CTNNA2: variants seen among roughly 807,000 people sequenced by gnomAD.
CTNNA2 encodes the protein catenin alpha 2, also known as catenin alpha-2.
In CTNNA2, 42 loss-of-function variants were observed where a neutral mutation model predicts 101.0. The observed-to-expected ratio is 0.42, with a 90% CI of 0.32 to 0.54. The LOEUF (loss-of-function observed/expected upper bound fraction) is 0.54. CTNNA2 is among the 20% of genes least tolerant of loss of function. The pLI, the probability that CTNNA2 is intolerant of heterozygous loss-of-function variation, is 0.14. For synonymous variants in CTNNA2, 450 were observed against 456.4 expected (o/e 0.99, Z 0.18); for missense variants, 871 against 1,223.1 (o/e 0.71, Z 4.29).
chr2:80,179,880 T>A (rs976437648), intron 7 of CTNNA2, among the ~76,000 whole-genome samples: 3 of 152,230 alleles, frequency 2.0e-5, no homozygotes, highest in Non-Finnish European at 4.4e-5. Flanking sequence ...TAAGTATGTC[T>A]ATGCCAATTA....
chr2:79,661,546 C>G (rs1682036864), intron 2 of CTNNA2, among the ~76,000 whole-genome samples: 1 of 152,196 alleles, frequency 6.6e-6, no homozygotes, highest in South Asian at 2.1e-4. Context: ...GTTCACCAAT[C>G]CTGGTTTCTC....
At chr2:80,584,594 A>G (rs935000275) in intron 14 of CTNNA2, among the ~76,000 whole-genome samples, 2 of 152,020 alleles carry the variant, frequency 1.3e-5, no homozygotes, top group African/African-American at 2.4e-5. Context: ...GACAATTGCT[A>G]GGCACTTAAC....
rs531559828 is a variant in CTNNA2, at chr2:79,217,389, G to A, written c.-406+19313G>A. Among the ~76,000 whole-genome samples, 21 of 152,264 alleles carry A rather than the reference G, an allele frequency of 1.4e-4. No homozygotes were observed. In the South Asian group the frequency reaches 3.5e-3, roughly 26 times the overall value. On this transcript the variant is annotated intron_variant, in intron 2 of 21. Coordinates refer to the CTNNA2 transcript ENST00000466387. ...TGTTTATTTCACCTGGGTGCAGGGG[G>A]GCTGAGTCTGAAAAGAGAGTCAGTG... is the stretch of plus-strand genomic sequence containing the variant.
chr2:80,458,605 A>G (rs1223979793), intron 9 of CTNNA2, among the ~76,000 whole-genome samples: 2 of 152,066 alleles, frequency 1.3e-5, no homozygotes, highest in Non-Finnish European at 2.9e-5. Context: ...AATCCTTTCC[A>G]CTGTTATTTG....
chr2:79,337,877 C>T (rs1014694796), intron 3 of CTNNA2, among the ~76,000 whole-genome samples: 3 of 151,846 alleles, frequency 2.0e-5, no homozygotes, highest in African/African-American at 4.8e-5. Flanking sequence ...ATATTTTCTT[C>T]GTGGGGTTCT....
intron 8 of CTNNA2, among the ~76,000 whole-genome samples, chr2:80,406,396 G>C (rs1377747599): frequency 6.6e-6 from 1 of 151,934 alleles, no homozygotes; most frequent in Non-Finnish European, 1.5e-5. Context: ...GGGAGCGGGA[G>C]GTTGCTGAGT....
At chr2:80,362,457 A>T (rs1268425173) in intron 7 of CTNNA2, among the ~76,000 whole-genome samples, 1 of 152,064 alleles carries the variant, frequency 6.6e-6, no homozygotes, top group East Asian at 1.9e-4. Context: ...ATCTTCTTGA[A>T]TCTTTTTTCT....
rs1465253664 is a variant in CTNNA2 at position 79,694,521 on chromosome 2, GTATTTAAGT to G, written c.102+42865_102+42873del. ...AACTCTGTATATTTTATAAAACTTA[GTATTTAAGT>G]TTCATTTCTGTGTTTTTTTTTTAAC... is the stretch of plus-strand genomic sequence containing the variant. On this transcript the variant is annotated intron_variant, in intron 2 of 18. Coordinates refer to ENST00000402739, the MANE Select transcript of CTNNA2 (RefSeq NM_001282597.3). Among the ~76,000 whole-genome samples, 7 of 151,822 alleles carry G rather than the reference GTATTTAAGT, an allele frequency of 4.6e-5. No individual in the cohort carries two copies. The East Asian group carries it at 1.4e-3, about 30-fold the overall frequency.
intron 8 of CTNNA2, among the ~76,000 whole-genome samples, chr2:80,404,871 T>A (rs543207923): frequency 6.6e-6 from 1 of 152,324 alleles, no homozygotes; most frequent in East Asian, 1.9e-4. Context: ...TATCAACCAT[T>A]GATGTTGATT....
At chr2:79,232,581 A>G (rs1245406637) in intron 2 of CTNNA2, among the ~76,000 whole-genome samples, 1 of 152,200 alleles carries the variant, frequency 6.6e-6, no homozygotes, top group Admixed American at 6.5e-5. Flanking sequence ...ACCCCTCCCT[A>G]TCAACTTTTT....
In CTNNA2 at chr2:79,312,708, G is replaced by T. The variant is rs899410822; in HGVS notation, c.-405-1G>T. 6.6e-6 allele frequency: 1 copy of T among 152,130 alleles called. No individual in the cohort carries two copies. The highest frequency in any genetic ancestry group is 2.4e-5 in the African/African-American group (1 of 41,438). The allele number at this position is 152,130 out of a possible 1,614,324, so 9.4% of individuals were successfully genotyped here. A position where few individuals can be genotyped will look rare whatever the true frequency, so the allele number is the denominator to read the frequency against. On this transcript the variant is annotated splice_acceptor_variant, in intron 2 of 21. Coordinates refer to the CTNNA2 transcript ENST00000466387. LOFTEE classifies it low-confidence loss of function (5UTR_SPLICE). ...ATAATACTCTTGACCTTCATTCACAGAACAAAATATACAGCTGGATGTTTG... is the reference window on the plus strand; with the variant it reads ...ATAATACTCTTGACCTTCATTCACATAACAAAATATACAGCTGGATGTTTG...
chr2:79,618,406 C>T (rs373336099), intron 1 of CTNNA2, among the ~76,000 whole-genome samples: 141 of 152,144 alleles, frequency 9.3e-4, no homozygotes, highest in South Asian at 5.4e-3. Context: ...CCCCATGTTC[C>T]GAAGCAGCTC....
At chr2:79,897,031 T>C (rs942309409) in intron 6 of CTNNA2, among the ~76,000 whole-genome samples, 2 of 151,968 alleles carry the variant, frequency 1.3e-5, no homozygotes, top group Non-Finnish European at 2.9e-5. Flanking sequence ...ATGAACTGAG[T>C]AGAGGTGAGA....
chr2:80,304,507 C>T (rs1046438476), intron 7 of CTNNA2: 2 of 153,378 alleles, frequency 1.3e-5, no homozygotes, highest in Non-Finnish European at 2.9e-5. Context: ...TGGTTAATGT[C>T]CGTCATTGGA....
chr2:79,613,501 A>G (rs1042731233), intron 1 of CTNNA2, among the ~76,000 whole-genome samples: 3 of 152,106 alleles, frequency 2.0e-5, no homozygotes, highest in Non-Finnish European at 4.4e-5. Context: ...TTTAAAACAG[A>G]CTTCCTGTGT....
At chr2:79,676,306 G>A (rs1683182326) in intron 2 of CTNNA2, among the ~76,000 whole-genome samples, 1 of 152,186 alleles carries the variant, frequency 6.6e-6, no homozygotes, top group Non-Finnish European at 1.5e-5. Context: ...AGTGCCAACA[G>A]CATTAGACCT....
At chr2:79,348,061 T>C (rs726236) in intron 3 of CTNNA2, among the ~76,000 whole-genome samples, 47,320 of 151,768 alleles carry the variant, frequency 0.31, 7,601 homozygotes, top group Admixed American at 0.42. Flanking sequence ...GCTCAGAATA[T>C]GGCCAAGATC....
intron 4 of CTNNA2, among the ~76,000 whole-genome samples, chr2:79,413,409 G>A (rs1420886938): frequency 1.3e-5 from 2 of 151,704 alleles, no homozygotes; most frequent in Non-Finnish European, 2.9e-5. Flanking sequence ...CTTTTTTGTG[G>A]CTGAATAGTA....
intron 2 of CTNNA2, among the ~76,000 whole-genome samples, chr2:79,290,686 G>A (rs1361952485): frequency 3.3e-5 from 5 of 152,234 alleles, no homozygotes; most frequent in Admixed American, 6.5e-5. Context: ...CCGGAGGAAC[G>A]ACATGGAGTT....
Sources: allele counts gnomAD v4.1 joint callset (sites outside exome capture counted in the v4.1 genomes callset), GRCh38; gene constraint gnomAD v4.1.1; transcripts MANE v1.5; gene names NCBI Gene and HGNC (gene_info 2026-07-23, HGNC 2026-07-21).